MBP: variants seen among roughly 807,000 people sequenced by gnomAD.
MBP encodes the protein myelin basic protein, also known as Golli-MBP.
Under a neutral mutation model 35.8 loss-of-function variants are expected in MBP, and 16 were observed. That is an observed-to-expected ratio of 0.45 (90% CI 0.30 to 0.68). MBP has a LOEUF of 0.68. MBP is among the 30% of genes least tolerant of loss of function. The pLI is 0.08. For synonymous variants in MBP, 143 were observed against 159.6 expected (o/e 0.90, Z 0.78); for missense variants, 380 against 404.7 (o/e 0.94, Z 0.52).
intron 4 of MBP, chr18:77,013,107 A>C: frequency 1.0e-6 from 1 of 985,464 alleles, no homozygotes. Context: ...CAGAGTAATG[A>C]GACTTTGAGA....
intron 1 of MBP, among the ~76,000 whole-genome samples, chr18:77,107,950 A>C (rs28593671): frequency 4.6e-5 from 7 of 152,178 alleles, no homozygotes; most frequent in Non-Finnish European, 7.3e-5. Flanking sequence ...TACTAGCAGG[A>C]AAAGAAAGAC....
At chr18:77,082,010 C>T (rs1351826652) in intron 2 of MBP, among the ~76,000 whole-genome samples, 3 of 149,086 alleles carry the variant, frequency 2.0e-5, no homozygotes, top group Non-Finnish European at 4.5e-5. Context: ...CGCCACAACG[C>T]CTGGCTAATT....
Position 77,027,998 on chromosome 18 carries a change from A to ATTTATTTATTTATTTATTTATTTT in MBP, c.140-10731_140-10730insAAAATAAATAAATAAATAAATAAA, listed in dbSNP as rs1568300412. Reference sequence around the variant, plus strand: ...CCAGCTAATTTTTATTTATTTATTTATTTATTTTTTTATTGATCATTCTTG... The same window carrying ATTTATTTATTTATTTATTTATTTT: ...CCAGCTAATTTTTATTTATTTATTTATTTATTTATTTATTTATTTATTTTTTTATTTTTTTATTGATCATTCTTG... On this transcript the variant is annotated intron_variant, in intron 3 of 8. Transcript: ENST00000355994. Among the ~76,000 whole-genome samples, 17 of 150,526 alleles carry ATTTATTTATTTATTTATTTATTTT rather than the reference A, an allele frequency of 1.1e-4. No individual in the cohort carries two copies. The East Asian group carries it at 3.1e-3, about 28-fold the overall frequency.
chr18:77,128,866 T>C (rs986347318), intron 1 of MBP, among the ~76,000 whole-genome samples: 10 of 152,230 alleles, frequency 6.6e-5, no homozygotes, highest in African/African-American at 7.2e-5. Flanking sequence ...TCTAGATTAT[T>C]CTCTAACATC....
Position 77,118,634 on chromosome 18 carries a change from ACAC to A in MBP, c.-25-13351_-25-13349del, listed in dbSNP as rs1415718589. Among the ~76,000 whole-genome samples the A allele has an allele frequency of 6.1e-5, 8 of 131,176 alleles. No homozygotes were observed. In the East Asian group the frequency reaches 2.2e-3, roughly 37 times the overall value. 86.1% of individuals were successfully genotyped at this position (131,176 alleles called of 152,430 possible). A position where few individuals can be genotyped will look rare whatever the true frequency, so the allele number is the denominator to read the frequency against. On this transcript the variant is annotated intron_variant, in intron 1 of 8. Coordinates refer to ENST00000355994, the MANE Select transcript of MBP (RefSeq NM_001025101.2). Reference sequence around the variant, plus strand: ...ACACCACACACACACACACACACACACACACTACACACCACACACACACACACA... The same window carrying A: ...ACACCACACACACACACACACACACAACTACACACCACACACACACACACA...
At chr18:77,018,813 TATCCATCC>T (rs1183210563) in intron 3 of MBP, among the ~76,000 whole-genome samples, 1 of 132,496 alleles carries the variant, frequency 7.5e-6, no homozygotes, top group African/African-American at 2.9e-5. Context: ...TTTATCCATC[TATCCATCC>T]ATCCATCCAT....
intron 3 of MBP, among the ~76,000 whole-genome samples, chr18:77,063,531 G>A (rs547053472): frequency 1.3e-5 from 2 of 152,294 alleles, no homozygotes; most frequent in East Asian, 1.9e-4. Context: ...GCACACTCAC[G>A]GGCAGAAAGG....
chr18:76,997,425 G>A (rs3794847), intron 4 of MBP, among the ~76,000 whole-genome samples: 8,756 of 152,294 alleles, frequency 0.057, 556 homozygotes, highest in East Asian at 0.17. Flanking sequence ...GACTGAAACA[G>A]AGAGTCTCCA....
chr18:76,995,120 T>C (rs1433927514), intron 4 of MBP, among the ~76,000 whole-genome samples: 1 of 152,170 alleles, frequency 6.6e-6, no homozygotes, highest in Non-Finnish European at 1.5e-5. Flanking sequence ...AACAAAATAT[T>C]AGGTATACAT....
chr18:76,986,301 T>G (rs1969554938), intron 7 of MBP: 1 of 985,438 alleles, frequency 1.0e-6, no homozygotes, highest in Non-Finnish European at 1.2e-6. Context: ...GTCCCTCCTC[T>G]ATCAGCCTGC....
chr18:77,059,140 G>T (rs1252635520), intron 3 of MBP, among the ~76,000 whole-genome samples: 1 of 152,188 alleles, frequency 6.6e-6, no homozygotes, highest in African/African-American at 2.4e-5. Context: ...AAACCCTACT[G>T]AAATCAAAGT....
chr18:77,078,731 T>A (rs1171675297), intron 2 of MBP, among the ~76,000 whole-genome samples: 1 of 152,094 alleles, frequency 6.6e-6, no homozygotes, highest in Admixed American at 6.5e-5. Flanking sequence ...GACAGGTGAG[T>A]TCCATCCCGT....
intron 2 of MBP, among the ~76,000 whole-genome samples, chr18:77,069,210 T>C (rs1401717626): frequency 1.3e-5 from 2 of 152,148 alleles, no homozygotes; most frequent in Non-Finnish European, 1.5e-5. Context: ...ATAGTTAAAA[T>C]GGATTGTTTC....
intron 4 of MBP, among the ~76,000 whole-genome samples, chr18:77,012,238 G>A (rs1248206926): frequency 6.6e-6 from 1 of 152,174 alleles, no homozygotes; most frequent in African/African-American, 2.4e-5. Flanking sequence ...TCATTTCAGT[G>A]TCTCGAGGTT....
intron 4 of MBP, chr18:77,016,374 T>C: frequency 1.0e-6 from 1 of 993,608 alleles, no homozygotes; most frequent in Non-Finnish European, 1.2e-6. Context: ...ACCTCAATCC[T>C]ATGATTGTCG....
intron 2 of MBP, among the ~76,000 whole-genome samples, chr18:77,100,387 T>G (rs1438813768): frequency 1.3e-5 from 2 of 152,204 alleles, no homozygotes; most frequent in Admixed American, 6.5e-5. Context: ...CCACCTAGTC[T>G]GCTATTTTGT....
chr18:77,010,944 G>GT (rs1568286615), intron 4 of MBP, among the ~76,000 whole-genome samples: 2 of 152,218 alleles, frequency 1.3e-5, no homozygotes, highest in Non-Finnish European at 2.9e-5. Flanking sequence ...TGAAATCAGC[G>GT]TAATAGGTTT....
chr18:77,037,894 A>G (rs921875512), intron 3 of MBP, among the ~76,000 whole-genome samples: 1 of 152,268 alleles, frequency 6.6e-6, no homozygotes, highest in African/African-American at 2.4e-5. Context: ...CCAATTATAC[A>G]GAAATAATCA....
intron 4 of MBP, chr18:77,010,156 G>T: frequency 1.8e-6 from 1 of 565,734 alleles, no homozygotes; most frequent in South Asian, 2.2e-5. Flanking sequence ...GCAGGCATGC[G>T]CCCTGAAGGA....
Sources: gnomAD v4.1 joint callset for allele counts (sites outside exome capture counted in the v4.1 genomes callset) on GRCh38, gnomAD v4.1.1 for gene constraint, MANE v1.5 for transcripts, NCBI Gene and HGNC (gene_info 2026-07-23, HGNC 2026-07-21) for gene names.